Variants in KCNIP4 observed in about 807,000 individuals in gnomAD.
KCNIP4 encodes potassium voltage-gated channel interacting protein 4, also known as Kv channel-interacting protein 4.
In KCNIP4, 12 loss-of-function variants were observed where a neutral mutation model predicts 34.0. The ratio of observed to expected loss-of-function variants is 0.35; its 90% CI spans 0.23 to 0.57. KCNIP4 has a LOEUF of 0.57. Among genes scored for constraint, KCNIP4 ranks in the 20% least tolerant of loss-of-function variants. KCNIP4 has a pLI of 0.83. For synonymous variants in KCNIP4, 124 were observed against 102.2 expected (o/e 1.21, Z -1.29); for missense variants, 238 against 311.7 (o/e 0.76, Z 1.78).
chr4:21,373,259 G>A (rs1720658411), intron 1 of KCNIP4, among the ~76,000 whole-genome samples: 1 of 146,562 alleles, frequency 6.8e-6, no homozygotes, highest in Non-Finnish European at 1.5e-5. Flanking sequence ...GGAGTTGAGG[G>A]TTGCAGTGAG....
chr4:21,528,397 G>A (rs750880387), intron 1 of KCNIP4, among the ~76,000 whole-genome samples: 88 of 151,970 alleles, frequency 5.8e-4, no homozygotes, highest in Non-Finnish European at 1.1e-3. Flanking sequence ...AACCGGGCAT[G>A]GTGGCTCATG....
At chr4:21,287,117 T>C (rs1763168935) in intron 1 of KCNIP4, among the ~76,000 whole-genome samples, 1 of 152,178 alleles carries the variant, frequency 6.6e-6, no homozygotes, top group South Asian at 2.1e-4. Flanking sequence ...ACTTTGAAAT[T>C]CTACTGAAAA....
At chr4:21,939,473 C>T (rs1207544386) in intron 1 of KCNIP4, among the ~76,000 whole-genome samples, 1 of 152,106 alleles carries the variant, frequency 6.6e-6, no homozygotes, top group Non-Finnish European at 1.5e-5. Flanking sequence ...CACTCCATGT[C>T]CCTGGATATT....
intron 1 of KCNIP4, among the ~76,000 whole-genome samples, chr4:21,224,485 T>C (rs1758212589): frequency 6.6e-6 from 1 of 151,514 alleles, no homozygotes; most frequent in Non-Finnish European, 1.5e-5. Context: ...AGTTTCACCC[T>C]ATGAGTTTGG....
chr4:20,828,164 C>G (rs1218173095), intron 3 of KCNIP4, among the ~76,000 whole-genome samples: 1 of 152,186 alleles, frequency 6.6e-6, no homozygotes, highest in Non-Finnish European at 1.5e-5. Context: ...CGCGGTGGCT[C>G]AAGCCTGTAA....
chr4:21,661,169 A>T (rs1186821397), intron 1 of KCNIP4, among the ~76,000 whole-genome samples: 3 of 152,166 alleles, frequency 2.0e-5, no homozygotes, highest in African/African-American at 7.2e-5. Flanking sequence ...TCAGGGGAAC[A>T]TCATCTGTCC....
At chr4:21,497,218 A>G (rs1360721087) in intron 1 of KCNIP4, among the ~76,000 whole-genome samples, 1 of 152,164 alleles carries the variant, frequency 6.6e-6, no homozygotes, top group Non-Finnish European at 1.5e-5. Context: ...GCAGCCTGAA[A>G]ATACACACTT....
rs1560732954 is a variant in KCNIP4 at position 21,112,054 on chromosome 4, T to TATCTATCC, written c.62-229346_62-229345insGGATAGAT. Among the ~76,000 whole-genome samples, 5 of 152,170 alleles carry TATCTATCC rather than the reference T, an allele frequency of 3.3e-5. No homozygotes were observed. In the South Asian group the frequency reaches 6.2e-4, roughly 19 times the overall value. On this transcript the variant is annotated intron_variant, in intron 1 of 8. Transcript: ENST00000382152. ...CTATCTATCTATCTATCTATCTATCTATCTATCTATCTATCTATCATCTAT... is the reference window on the plus strand; with the variant it reads ...CTATCTATCTATCTATCTATCTATCTATCTATCCATCTATCTATCTATCTATCATCTAT...
At chr4:21,695,432 T>TC (rs1356689772) in intron 1 of KCNIP4, among the ~76,000 whole-genome samples, 1 of 150,124 alleles carries the variant, frequency 6.7e-6, no homozygotes, top group Non-Finnish European at 1.5e-5. Context: ...TGCTTCTTCT[T>TC]TTTTTTTTTC....
At chr4:21,389,062 G>A (rs1432574900) in intron 1 of KCNIP4, among the ~76,000 whole-genome samples, 1 of 151,200 alleles carries the variant, frequency 6.6e-6, no homozygotes, top group African/African-American at 2.4e-5. Flanking sequence ...AAGGCTCATT[G>A]CAGCCTTGAC....
intron 1 of KCNIP4, among the ~76,000 whole-genome samples, chr4:21,760,674 T>C (rs1437981458): frequency 5.3e-5 from 8 of 152,066 alleles, no homozygotes; most frequent in African/African-American, 1.9e-4. Context: ...CATAATCAAT[T>C]ACAGAGGATT....
At chr4:21,255,636 C>T (rs1761010791) in intron 1 of KCNIP4, among the ~76,000 whole-genome samples, 1 of 137,268 alleles carries the variant, frequency 7.3e-6, no homozygotes, top group East Asian at 2.0e-4. Context: ...AGTATCTTTA[C>T]CTTTAAAATA....
chr4:20,729,213 T>A lies in KCNIP4; in HGVS notation c.*869A>T, dbSNP rs565652591. On this transcript the variant is annotated 3_prime_UTR_variant, in exon 9 of 9. Coordinates refer to ENST00000382152, the MANE Select transcript of KCNIP4 (RefSeq NM_025221.6). Reference sequence around the variant, plus strand: ...CTTTAATGCTGTTAGGATTACTTGTTATTAAGCATTACTATATACTGGAGG... The same window carrying A: ...CTTTAATGCTGTTAGGATTACTTGTAATTAAGCATTACTATATACTGGAGG... The A allele has an allele frequency of 7.2e-5, 11 of 152,160 alleles. No homozygotes were observed. Among genetic ancestry groups the A allele is most frequent in the African/African-American group, 2.6e-4 (11 of 41,538 alleles). The allele number at this position is 152,160 out of a possible 1,614,324, so 9.4% of individuals were successfully genotyped here. A position where few individuals can be genotyped will look rare whatever the true frequency, so the allele number is the denominator to read the frequency against.
At chr4:21,110,480 C>A (rs548586112) in intron 1 of KCNIP4, among the ~76,000 whole-genome samples, 1 of 152,332 alleles carries the variant, frequency 6.6e-6, no homozygotes, top group African/African-American at 2.4e-5. Flanking sequence ...CAAACTTGTG[C>A]TTACTCTTAG....
chr4:21,784,154 T>A (rs571752744), intron 1 of KCNIP4, among the ~76,000 whole-genome samples: 1 of 151,766 alleles, frequency 6.6e-6, no homozygotes, highest in East Asian at 2.0e-4. Flanking sequence ...GGGGTCGAAG[T>A]GCCAGATACT....
Position 21,042,438 on chromosome 4 carries a change from A to G in KCNIP4, c.62-159729T>C, listed in dbSNP as rs140809835. ...GTTAAGTGAAATAAGTCAGACACAG[A>G]AAGACAAATGTATGATCTCTTGCAT... On this transcript the variant is annotated intron_variant, in intron 1 of 8. Coordinates refer to ENST00000382152, the MANE Select transcript of KCNIP4 (RefSeq NM_025221.6). 1.9e-3 allele frequency among the ~76,000 whole-genome samples: 284 copies of G among 152,340 alleles called. 1 individual carries two copies. The highest frequency in any genetic ancestry group is 6.6e-3 in the African/African-American group (275 of 41,574).
In KCNIP4 at chr4:21,213,108, C is replaced by T. The variant is rs374803834; in HGVS notation, c.62-330399G>A. Among the ~76,000 whole-genome samples, 10 of 152,122 alleles carry T rather than the reference C, an allele frequency of 6.6e-5. No homozygotes were observed. The East Asian group carries it at 9.7e-4, about 15-fold the overall frequency. ...AGGGATTTTGGCTCTCATCAAGGTC[C>T]GGACGAGGTGCATGCTGTTTCTCCA... On this transcript the variant is annotated intron_variant, in intron 1 of 8. Coordinates refer to ENST00000382152, the MANE Select transcript of KCNIP4 (RefSeq NM_025221.6).
chr4:21,584,437 C>T (rs896097096), intron 1 of KCNIP4, among the ~76,000 whole-genome samples: 20 of 152,050 alleles, frequency 1.3e-4, no homozygotes, highest in South Asian at 4.1e-4. Context: ...AATCATTCTT[C>T]GAAAACTTAA....
chr4:21,913,046 C>G (rs1728429193), intron 1 of KCNIP4, among the ~76,000 whole-genome samples: 1 of 152,016 alleles, frequency 6.6e-6, no homozygotes, highest in Non-Finnish European at 1.5e-5. Context: ...AAAACAATCA[C>G]TAACCTATGG....
Sources: allele counts gnomAD v4.1 joint callset (sites outside exome capture counted in the v4.1 genomes callset), GRCh38; gene constraint gnomAD v4.1.1; transcripts MANE v1.5; gene names NCBI Gene and HGNC (gene_info 2026-07-23, HGNC 2026-07-21).